E2F8: variants seen among roughly 807,000 people sequenced by gnomAD.
E2F8 encodes E2F transcription factor 8, also known as transcription factor E2F8.
A neutral mutation model predicts 80.8 loss-of-function variants in E2F8; 35 were observed. The observed-to-expected ratio is 0.43, with a 90% CI of 0.33 to 0.57. E2F8 has a LOEUF of 0.57. Among genes scored for constraint, E2F8 ranks in the 20% least tolerant of loss-of-function variants. The pLI is 0.04. For missense variants in E2F8, 975 were observed against 1,056.2 expected (o/e 0.92, Z 1.07); for synonymous variants, 386 against 395.0 (o/e 0.98, Z 0.27).
rs899740294 is a variant in E2F8, at chr11:19,240,237, GAA to G, written c.-109-9_-109-8del. 1 of 573,118 alleles carries G rather than the reference GAA, an allele frequency of 1.7e-6. No individual in the cohort carries two copies. The highest frequency in any genetic ancestry group is 1.9e-5 in the African/African-American group (1 of 52,168). The allele number at this position is 573,118 out of a possible 1,614,324, so 35.5% of individuals were successfully genotyped here. On this transcript the variant is annotated splice_region_variant and splice_polypyrimidine_tract_variant and intron_variant, in intron 1 of 12. Transcript: ENST00000250024. ...TACTAAAAGTTTTAATATCCTTAAA[GAA>G]AAAAGGAAATAGAAAAAGTTAGAGA...
intron 8 of E2F8, 114 bp from the exon 9 acceptor site, chr11:19,230,442 G>A (rs1851347558): frequency 5.7e-6 from 7 of 1,227,304 alleles, no homozygotes; most frequent in Non-Finnish European, 8.0e-6. Context: ...CCTCAAAGTT[G>A]CATAGCGATT....
chr11:19,229,919 G>A lies in E2F8; in HGVS notation c.1428C>T (p.Asp476=), dbSNP rs765069809. The A allele has an allele frequency of 1.9e-6, 3 of 1,614,034 alleles. No homozygotes were observed. Among genetic ancestry groups the A allele is most frequent in the South Asian group, 1.1e-5 (1 of 91,076 alleles). ...GCTCCATCTCAGCATTCACTGGGGG[G>A]TCCAGAGGGGCTACTGGTTTGCAGG... ...SGPCKPVAPL[D]PPVNAEMELT... The change falls in exon 10 of 13, where the codon GAC becomes GAT. Residue 476 remains aspartate (D), a synonymous_variant. Coordinates refer to ENST00000250024, the MANE Select transcript of E2F8 (RefSeq NM_024680.4). The surrounding 1 kb of genome is among the most constrained non-coding windows in gnomAD (Gnocchi z 4.3).
intron 6 of E2F8, among the ~76,000 whole-genome samples, chr11:19,234,016 C>G (rs917569981): frequency 6.6e-6 from 1 of 151,340 alleles, no homozygotes; most frequent in Non-Finnish European, 1.5e-5. Flanking sequence ...GGTGTGGTGG[C>G]GCGCAACTGT....
chr11:19,224,802 G>A lies in E2F8; in HGVS notation c.2460C>T (p.Ala820=), dbSNP rs547956422. 89 of 1,614,092 alleles carry A rather than the reference G, an allele frequency of 5.5e-5. No homozygotes were observed. The East Asian group carries it at 1.6e-3, about 30-fold the overall frequency. The change falls in exon 13 of 13, where the codon GCC becomes GCT. Residue 820 remains alanine, a synonymous_variant. Transcript: ENST00000250024. ...CACCTGGGGTACGGAAGAAACTTTC[G>A]GCCACTAATTGTGACCCTTTGGGTG... The part of the protein sequence containing the change: ...PVTPKGSQLV[A]ESFFRTPGGP...
At chr11:19,231,886 G>C (rs1296222903) in intron 7 of E2F8, among the ~76,000 whole-genome samples, 1 of 152,124 alleles carries the variant, frequency 6.6e-6, no homozygotes, top group Non-Finnish European at 1.5e-5. Context: ...TTCCATGTGG[G>C]GCGGTGAGTA....
At chr11:19,236,971 C>T (rs1379458185) in intron 4 of E2F8, among the ~76,000 whole-genome samples, 1 of 152,184 alleles carries the variant, frequency 6.6e-6, no homozygotes, top group East Asian at 1.9e-4. Context: ...ATTTATCAGC[C>T]TGATTCTTCA....
intron 6 of E2F8, 47 bp from the exon 7 acceptor site, chr11:19,232,418 C>G: frequency 6.6e-7 from 1 of 1,524,818 alleles, no homozygotes; most frequent in East Asian, 2.3e-5. Context: ...ATGAAAAGAT[C>G]AAAGAATTTT....
At chr11:19,238,764 C>T (rs548267834) in intron 2 of E2F8, among the ~76,000 whole-genome samples, 2 of 152,324 alleles carry the variant, frequency 1.3e-5, no homozygotes, top group South Asian at 4.1e-4. Flanking sequence ...GCTCTTTGAA[C>T]ATCCACTCCC....
At chr11:19,228,201 T>A (rs963695423) in intron 10 of E2F8, among the ~76,000 whole-genome samples, 5 of 152,176 alleles carry the variant, frequency 3.3e-5, no homozygotes, top group Non-Finnish European at 7.4e-5. Context: ...CAGGAGACCA[T>A]TATTAAATCA....
chr11:19,225,580 C>T lies in E2F8; in HGVS notation c.2062G>A (p.Val688Ile), dbSNP rs569467466. The T allele has an allele frequency of 6.2e-7, 1 of 1,614,146 alleles. No individual in the cohort carries two copies. Among genetic ancestry groups the T allele is most frequent in the East Asian group, 2.2e-5 (1 of 44,876 alleles). ...IPVTSSELTAVNFPSFHVTPL... is the reference protein window; with the variant it reads ...IPVTSSELTAINFPSFHVTPL... ...GTTACATGAAAAGAGGGAAAATTAA[C>T]AGCAGTGAGTTCAGATGATGTCACT... The change falls in exon 12 of 13, where the codon GTT (valine) becomes ATT (isoleucine). Residue 688 changes from valine to isoleucine, a missense_variant. By Grantham distance (29) the Val-to-Ile change is conservative (BLOSUM62 3). Coordinates refer to ENST00000250024, the MANE Select transcript of E2F8 (RefSeq NM_024680.4).
At position 19,225,346 on chromosome 11, in the gene E2F8, C is replaced by G. The variant is rs778069955; in HGVS notation, c.2296G>C (p.Glu766Gln). 1 of 1,614,066 alleles carries G rather than the reference C, an allele frequency of 6.2e-7. No individual in the cohort carries two copies. Among genetic ancestry groups the G allele is most frequent in the African/African-American group, 1.3e-5 (1 of 74,920 alleles). Residue 766 changes from glutamate (E) to glutamine (Q), a missense_variant, in exon 12 of 13, where the codon GAG becomes CAG. Transcript: ENST00000250024. Reference sequence around the variant, plus strand: ...TTTTCTGGTGCGACATTAACAGACTCTATTCTTGGAGACACAGGAACGATT... The same window carrying G: ...TTTTCTGGTGCGACATTAACAGACTGTATTCTTGGAGACACAGGAACGATT... The part of the protein sequence containing the change: ...SGIVPVSPRI[E>Q]SVNVAPENAG...
In E2F8 at chr11:19,237,924, C is replaced by T. The variant is rs759388909; in HGVS notation, c.224G>A (p.Arg75His). 12 of 1,613,996 alleles carry T rather than the reference C, an allele frequency of 7.4e-6. No homozygotes were observed. The highest frequency in any genetic ancestry group is 4.5e-5 in the East Asian group (2 of 44,872). Residue 75 changes from arginine to histidine, a missense_variant, in exon 3 of 13, where the codon CGC (arginine) becomes CAC (histidine). By Grantham distance (29) the Arg-to-His change is conservative (BLOSUM62 0). Coordinates refer to ENST00000250024, the MANE Select transcript of E2F8 (RefSeq NM_024680.4). Reference protein sequence around the residue: ...MLISAVSPEIRNRDQKRGLFD... With the variant: ...MLISAVSPEIHNRDQKRGLFD... ...CAAACCCCTTTTCTGATCTCTGTTG[C>T]GGATCTCAGGGCTCACAGCACTGAT...
At chr11:19,232,082 A>T in intron 7 of E2F8, 152 bp downstream of exon 7, 1 of 1,139,286 alleles carries the variant, frequency 8.8e-7, no homozygotes. Flanking sequence ...TAGGAATAGA[A>T]AATCAAACAC....
intron 6 of E2F8, among the ~76,000 whole-genome samples, chr11:19,233,570 C>T (rs1265522906): frequency 5.9e-5 from 9 of 152,112 alleles, no homozygotes; most frequent in African/African-American, 1.7e-4. Context: ...TCACTGCAAG[C>T]GCCGCCTCCC....
At chr11:19,235,798 C>T (rs894744671) in intron 4 of E2F8, among the ~76,000 whole-genome samples, 2 of 152,126 alleles carry the variant, frequency 1.3e-5, no homozygotes, top group Non-Finnish European at 2.9e-5. Flanking sequence ...AATACAAACA[C>T]GTACACACAC....
rs1374848080 is a variant in E2F8 at position 19,230,699 on chromosome 11, A to G, written c.1202T>C (p.Val401Ala). Reference protein sequence around the residue: ...FTRHPSLIKLVKSIESDRRKI... With the variant: ...FTRHPSLIKLAKSIESDRRKI... ...TCTCCGATCACTTTCTATACTCTTT[A>G]CCAATTTGATAAGAGATGGGTGTCG... The change falls in exon 8 of 13, where the codon GTA (valine) becomes GCA (alanine). Residue 401 changes from valine (V) to alanine (A), a missense_variant. Transcript: ENST00000250024. The G allele has an allele frequency of 6.2e-7, 1 of 1,614,126 alleles. No homozygotes were observed. Among genetic ancestry groups the G allele is most frequent in the Admixed American group, 1.7e-5 (1 of 60,018 alleles).
At position 19,229,406 on chromosome 11, in the gene E2F8, T is replaced by A. The variant is rs549127451; in HGVS notation, c.1893+48A>T. 1 of 1,549,216 alleles carries A rather than the reference T, an allele frequency of 6.5e-7. No homozygotes were observed. The highest frequency in any genetic ancestry group is 1.4e-5 in the African/African-American group (1 of 72,496). Reference sequence around the variant, plus strand: ...TCACAAGCCACCAATCTTCCTGTAATAGACTAGGGAATTCCTAAAGCTTTG... The same window carrying A: ...TCACAAGCCACCAATCTTCCTGTAAAAGACTAGGGAATTCCTAAAGCTTTG... On this transcript the variant is annotated intron_variant, in intron 10 of 12. Transcript: ENST00000250024. This position sits in a 1 kb window ranked among gnomAD's most constrained non-coding sequence, Gnocchi z 4.3.
intron 4 of E2F8, among the ~76,000 whole-genome samples, chr11:19,236,967 C>T (rs566023253): frequency 1.3e-5 from 2 of 151,896 alleles, no homozygotes; most frequent in Non-Finnish European, 3.0e-5. Context: ...AACCATTTAT[C>T]AGCCTGATTC....
Position 19,224,504 on chromosome 11 carries a change from T to C in E2F8, c.*154A>G. 1.6e-6 allele frequency: 1 copy of C among 613,218 alleles called. No individual in the cohort carries two copies. Among genetic ancestry groups the C allele is most frequent in the Non-Finnish European group, 2.8e-6 (1 of 354,758 alleles). The allele number at this position is 613,218 out of a possible 1,614,324, so 38.0% of individuals were successfully genotyped here. Reference sequence around the variant, plus strand: ...GTGTGTGTGTGTGTGTGTGTATATATATATATGTATGAAAACAACTATCTG... The same window carrying C: ...GTGTGTGTGTGTGTGTGTGTATATACATATATGTATGAAAACAACTATCTG... On this transcript the variant is annotated 3_prime_UTR_variant, in exon 13 of 13. Transcript: ENST00000250024.
Sources: allele counts gnomAD v4.1 joint callset (sites outside exome capture counted in the v4.1 genomes callset), GRCh38; gene constraint gnomAD v4.1.1; non-coding constraint Gnocchi (gnomAD v3.1); transcripts MANE v1.5; gene names NCBI Gene and HGNC (gene_info 2026-07-23, HGNC 2026-07-21).